The following NR1I2 variants were observed in gnomAD, a reference collection of about 807,000 sequenced individuals.
The protein encoded by NR1I2 is orphan nuclear receptor PAR1.
Under a neutral mutation model 43.3 loss-of-function variants are expected in NR1I2, and 42 were observed. That is an observed-to-expected ratio of 0.97 (90% CI 0.76 to 1.26). The LOEUF (loss-of-function observed/expected upper bound fraction) is 1.26, where lower values mean the gene tolerates loss of function less well. NR1I2 is among the 50% of genes most tolerant of loss of function. NR1I2 has a pLI of 0.00. For synonymous variants in NR1I2, 229 were observed against 215.0 expected, an observed-to-expected ratio of 1.06 and a Z score of -0.57; for missense variants, 559 against 566.7, an observed-to-expected ratio of 0.99 and a Z score of 0.14.
chr3:119,788,713 C>T (rs984618143), intron 1 of NR1I2, among the ~76,000 whole-genome samples: 10 of 152,216 alleles, frequency 6.6e-5, no homozygotes, highest in African/African-American at 2.4e-4. Context: ...GCTGGGATTA[C>T]AGGTGTGAGG....
At chr3:119,807,571 G>A (rs1446081178) in intron 2 of NR1I2, 124 bp downstream of exon 2, 4 of 783,340 alleles carry the variant, frequency 5.1e-6, no homozygotes, top group Non-Finnish European at 6.6e-6. Context: ...CAAAGGCCTT[G>A]TAATTAGTCT....
At chr3:119,800,600 C>T (rs2055065142) in intron 1 of NR1I2, among the ~76,000 whole-genome samples, 1 of 151,930 alleles carries the variant, frequency 6.6e-6, no homozygotes, top group African/African-American at 2.4e-5. Context: ...TTTTTTTCCC[C>T]TTTTTGTGGA....
intron 3 of NR1I2, chr3:119,810,624 C>T (rs1474731427): frequency 1.0e-5 from 2 of 193,646 alleles, no homozygotes; most frequent in Non-Finnish European, 2.1e-5. Flanking sequence ...TGCCCCAGAC[C>T]TGGATCTTTA....
At chr3:119,797,641 A>T (rs116670039) in intron 1 of NR1I2, among the ~76,000 whole-genome samples, 2,885 of 152,310 alleles carry the variant, frequency 0.019, 39 homozygotes, top group Middle Eastern at 0.088. Flanking sequence ...CATATACAGG[A>T]CATTATTATT....
At chr3:119,804,396 A>T (rs1202525374) in intron 1 of NR1I2, among the ~76,000 whole-genome samples, 2 of 149,290 alleles carry the variant, frequency 1.3e-5, no homozygotes, top group Non-Finnish European at 3.0e-5. Context: ...ATATACATAT[A>T]TATTTACATT....
At chr3:119,814,676 C>A (rs1165816314) in intron 5 of NR1I2, among the ~76,000 whole-genome samples, 1 of 152,130 alleles carries the variant, frequency 6.6e-6, no homozygotes, top group African/African-American at 2.4e-5. Context: ...AGCTGTAGGT[C>A]AGGATTTGTA....
At chr3:119,807,101 T>G (rs1401047096) in intron 1 of NR1I2, 128 bp from the exon 2 acceptor site, 5 of 793,760 alleles carry the variant, frequency 6.3e-6, no homozygotes, top group Admixed American at 2.0e-5. Context: ...TTTTTCCCCA[T>G]GAGAGGTCAG....
At chr3:119,782,992 CT>C in intron 1 of NR1I2, 1 of 729,736 alleles carries the variant, frequency 1.4e-6, no homozygotes. Context: ...AGAGGCACTG[CT>C]TTAAGGCCAC....
chr3:119,803,329 C>CTT (rs11389476), intron 1 of NR1I2, among the ~76,000 whole-genome samples: 20 of 142,200 alleles, frequency 1.4e-4, no homozygotes, highest in South Asian at 7.0e-4. Context: ...TCTTTTCTTT[C>CTT]TTTTTTTTTT....
intron 4 of NR1I2, 92 bp from the exon 5 acceptor site, chr3:119,812,593 TG>T: frequency 6.9e-7 from 1 of 1,448,310 alleles, no homozygotes. Flanking sequence ...GCTGCAACTG[TG>T]GCTGTGCATG....
intron 1 of NR1I2, among the ~76,000 whole-genome samples, chr3:119,788,283 T>C (rs545169516): frequency 6.6e-6 from 1 of 152,086 alleles, no homozygotes; most frequent in Admixed American, 6.5e-5. Flanking sequence ...CCAGACACTT[T>C]TAAAATTTAT....
intron 1 of NR1I2, among the ~76,000 whole-genome samples, chr3:119,801,279 G>C (rs1275656279): frequency 1.3e-5 from 2 of 152,202 alleles, no homozygotes; most frequent in Non-Finnish European, 2.9e-5. Flanking sequence ...CTGAAGAAGT[G>C]TTTACTTTCA....
intron 1 of NR1I2, among the ~76,000 whole-genome samples, chr3:119,798,834 T>G (rs2055037288): frequency 6.6e-6 from 1 of 152,218 alleles, no homozygotes; most frequent in Admixed American, 6.5e-5. Context: ...TAGAATGTTT[T>G]CAAGGTTCAT....
intron 3 of NR1I2, 174 bp downstream of exon 3, chr3:119,810,368 C>A: frequency 1.1e-6 from 1 of 946,416 alleles, no homozygotes; most frequent in South Asian, 1.7e-5. Flanking sequence ...GGAGCGCTTG[C>A]AGTCGGCCCT....
In NR1I2 at chr3:119,812,854, G is replaced by C; in HGVS notation, c.688G>C (p.Asp230His). The C allele has an allele frequency of 6.2e-7, 1 of 1,614,220 alleles. No individual in the cohort carries two copies. Among genetic ancestry groups the C allele is most frequent in the Non-Finnish European group, 8.5e-7 (1 of 1,180,038 alleles). The change falls in exon 5 of 9, where the codon GAC becomes CAC. Residue 230 changes from aspartate to histidine, a missense_variant. Physicochemically the swap from Asp to His is moderately conservative, Grantham distance 81. This residue lies in a region of NR1I2 where 323 missense variants were observed against 312.2 expected (regional missense o/e 1.03). Transcript: ENST00000393716. Reference sequence around the variant, plus strand: ...TGTCTGGAACTACAAACCCCCAGCCGACAGTGGCGGGAAAGAGATCTTCTC... The same window carrying C: ...TGTCTGGAACTACAAACCCCCAGCCCACAGTGGCGGGAAAGAGATCTTCTC...
At chr3:119,782,701 A>T in intron 1 of NR1I2, 1 of 1,295,154 alleles carries the variant, frequency 7.7e-7, no homozygotes, top group East Asian at 2.3e-5. Context: ...CTCAGTCCTG[A>T]TTCCTTTTGG....
At chr3:119,812,604 G>GT in intron 4 of NR1I2, 82 bp from the exon 5 acceptor site, 2 of 1,554,730 alleles carry the variant, frequency 1.3e-6, no homozygotes, top group Non-Finnish European at 1.8e-6. Flanking sequence ...GGCTGTGCAT[G>GT]TTTGGCTGGG....
At chr3:119,798,101 G>A (rs1229014769) in intron 1 of NR1I2, among the ~76,000 whole-genome samples, 1 of 152,078 alleles carries the variant, frequency 6.6e-6, no homozygotes, top group Non-Finnish European at 1.5e-5. Context: ...AAACTTCTTG[G>A]CAAGTGTGCT....
chr3:119,797,059 G>T (rs181895320), intron 1 of NR1I2, among the ~76,000 whole-genome samples: 2 of 152,346 alleles, frequency 1.3e-5, no homozygotes, highest in Admixed American at 1.3e-4. Context: ...CTGCCGGCTA[G>T]CTGGGTCCTG....
Sources: gnomAD v4.1 joint callset for allele counts (sites outside exome capture counted in the v4.1 genomes callset) on GRCh38, gnomAD v4.1.1 for gene constraint, gnomAD v4.1.1 regional missense constraint, MANE v1.5 for transcripts, NCBI Gene and HGNC (gene_info 2026-07-23, HGNC 2026-07-21) for gene names.